The following NCKAP5 variants were observed in gnomAD, a reference collection of about 807,000 sequenced individuals.
NCKAP5 encodes nck-associated protein 5.
Under a neutral mutation model 167.0 loss-of-function variants are expected in NCKAP5, and 92 were observed. That is an observed-to-expected ratio of 0.55 (90% CI 0.47 to 0.66). The LOEUF (loss-of-function observed/expected upper bound fraction) is 0.66, where lower values mean the gene tolerates loss of function less well. Ranked by LOEUF, NCKAP5 falls within the 30% of genes least tolerant of loss-of-function variation. The pLI, the probability that NCKAP5 is intolerant of heterozygous loss-of-function variation, is 0.00. For synonymous variants in NCKAP5, 891 were observed against 877.4 expected (o/e 1.02, Z -0.27); for missense variants, 2,378 against 2,315.0 (o/e 1.03, Z -0.56).
intron 4 of NCKAP5, among the ~76,000 whole-genome samples, chr2:133,216,199 T>C (rs745475013): frequency 6.6e-6 from 1 of 152,056 alleles, no homozygotes; most frequent in Non-Finnish European, 1.5e-5. Flanking sequence ...TATTCACTGA[T>C]ACATATAACT....
chr2:132,840,002 T>C (rs562892132), intron 11 of NCKAP5, among the ~76,000 whole-genome samples: 2 of 152,308 alleles, frequency 1.3e-5, no homozygotes, highest in African/African-American at 4.8e-5. Context: ...GTTTACAAGA[T>C]GAATTGTTTG....
intron 3 of NCKAP5, among the ~76,000 whole-genome samples, chr2:133,393,142 G>C (rs537696582): frequency 6.6e-6 from 1 of 152,292 alleles, no homozygotes; most frequent in Non-Finnish European, 1.5e-5. Flanking sequence ...CCAGAGATGT[G>C]ACTGAGTAGA....
intron 16 of NCKAP5, among the ~76,000 whole-genome samples, chr2:132,770,646 G>A (rs932690303): frequency 6.6e-6 from 1 of 151,916 alleles, no homozygotes; most frequent in South Asian, 2.1e-4. Context: ...TTCCATTGGA[G>A]TAATCTAATG....
At chr2:133,274,184 G>A (rs1260678752) in intron 4 of NCKAP5, among the ~76,000 whole-genome samples, 1 of 151,792 alleles carries the variant, frequency 6.6e-6, no homozygotes, top group Non-Finnish European at 1.5e-5. Flanking sequence ...TAGTAAGAGA[G>A]CAGTTTGTTT....
intron 19 of NCKAP5, among the ~76,000 whole-genome samples, chr2:132,695,189 G>T (rs184920768): frequency 1.3e-5 from 2 of 152,212 alleles, no homozygotes; most frequent in Admixed American, 1.3e-4. Flanking sequence ...TATGAATTGT[G>T]GGGGGACATA....
At chr2:133,232,733 A>C (rs2087210345) in intron 4 of NCKAP5, among the ~76,000 whole-genome samples, 1 of 152,170 alleles carries the variant, frequency 6.6e-6, no homozygotes, top group Non-Finnish European at 1.5e-5. Flanking sequence ...CAAGCAAGAA[A>C]AACAAGATAG....
chr2:133,011,927 T>A lies in NCKAP5; in HGVS notation c.342-17688A>T, dbSNP rs1482035153. Reference sequence around the variant, plus strand: ...CAGATGCGGAGGCCCCTGAGCCCTCTTTTGCATGGCTATTGCTGGACCCCT... The same window carrying A: ...CAGATGCGGAGGCCCCTGAGCCCTCATTTGCATGGCTATTGCTGGACCCCT... On this transcript the variant is annotated intron_variant, in intron 6 of 19. Transcript: ENST00000409261. Among the ~76,000 whole-genome samples the A allele has an allele frequency of 2.0e-5, 3 of 152,316 alleles. No homozygotes were observed. In the East Asian group the frequency reaches 5.8e-4, roughly 29 times the overall value.
intron 6 of NCKAP5, among the ~76,000 whole-genome samples, chr2:133,102,472 G>T (rs748201585): frequency 5.9e-5 from 9 of 152,034 alleles, no homozygotes; most frequent in Non-Finnish European, 1.2e-4. Context: ...ACACTCTTTA[G>T]CCCAAGGAAA....
intron 6 of NCKAP5, among the ~76,000 whole-genome samples, chr2:133,065,829 C>T (rs2080175006): frequency 6.6e-6 from 1 of 152,142 alleles, no homozygotes; most frequent in South Asian, 2.1e-4. Flanking sequence ...TGGCATTTTA[C>T]TTGTACTCTG....
At chr2:133,574,232 G>T in the NCKAP5 span, among the ~76,000 whole-genome samples, 2 of 152,182 alleles carry the variant, frequency 1.3e-5, no homozygotes, top group Admixed American at 1.3e-4. Context: ...GTTCCCTGTA[G>T]TCCCTAAAAC....
chr2:132,995,836 G>A (rs1354762212), intron 6 of NCKAP5, among the ~76,000 whole-genome samples: 1 of 151,878 alleles, frequency 6.6e-6, no homozygotes, highest in Non-Finnish European at 1.5e-5. Context: ...TTAGCCGGGT[G>A]TGGTGGCAGG....
chr2:133,534,113 G>T (rs1396864074), intron 2 of NCKAP5, among the ~76,000 whole-genome samples: 2 of 152,092 alleles, frequency 1.3e-5, no homozygotes, highest in African/African-American at 4.8e-5. Flanking sequence ...ATCCATTTTG[G>T]AAATTAAAAT....
intron 8 of NCKAP5, among the ~76,000 whole-genome samples, chr2:132,883,413 A>C (rs1691948376): frequency 1.3e-5 from 2 of 152,032 alleles, no homozygotes; most frequent in African/African-American, 4.8e-5. Flanking sequence ...GGTCTCCTTA[A>C]TGGATAATGG....
At chr2:133,390,029 C>T (rs1025670041) in intron 3 of NCKAP5, among the ~76,000 whole-genome samples, 4 of 152,196 alleles carry the variant, frequency 2.6e-5, no homozygotes, top group African/African-American at 7.2e-5. Flanking sequence ...CAGCCTCCAA[C>T]CCCAGTTCCA....
chr2:133,254,298 G>A (rs1270555118), intron 4 of NCKAP5, among the ~76,000 whole-genome samples: 1 of 152,048 alleles, frequency 6.6e-6, no homozygotes, highest in Non-Finnish European at 1.5e-5. Flanking sequence ...GAGAGCATGT[G>A]GAGAGATGAT....
intron 12 of NCKAP5, among the ~76,000 whole-genome samples, chr2:132,792,110 T>A (rs964628278): frequency 1.3e-5 from 2 of 152,210 alleles, no homozygotes; most frequent in South Asian, 4.1e-4. Flanking sequence ...TGGAGTGCAA[T>A]GGCATGATCT....
chr2:132,831,352 T>G (rs913060184), intron 11 of NCKAP5, among the ~76,000 whole-genome samples: 1 of 152,196 alleles, frequency 6.6e-6, no homozygotes, highest in African/African-American at 2.4e-5. Flanking sequence ...CATACTTAAA[T>G]TTTTGTTATA....
chr2:133,114,715 A>C (rs571358097), intron 6 of NCKAP5, among the ~76,000 whole-genome samples: 1 of 152,268 alleles, frequency 6.6e-6, no homozygotes, highest in East Asian at 1.9e-4. Context: ...GTTGAAAAAA[A>C]CAGGTCATTT....
the NCKAP5 span, among the ~76,000 whole-genome samples, chr2:133,592,036 T>A: frequency 2.2e-5 from 3 of 138,688 alleles, no homozygotes; most frequent in East Asian, 6.6e-4. Context: ...TTATTCTTTT[T>A]AAAAATATAA....
Sources: gnomAD v4.1 joint callset for allele counts (sites outside exome capture counted in the v4.1 genomes callset) on GRCh38, gnomAD v4.1.1 for gene constraint, MANE v1.5 for transcripts, NCBI Gene and HGNC (gene_info 2026-07-23, HGNC 2026-07-21) for gene names.